The following MIOX variants were observed in gnomAD, a reference collection of about 807,000 sequenced individuals.
The protein encoded by MIOX is inositol oxygenase.
Under a neutral mutation model 42.7 loss-of-function variants are expected in MIOX, and 51 were observed. The observed-to-expected ratio is 1.19, with a 90% CI of 0.95 to 1.51. The LOEUF (loss-of-function observed/expected upper bound fraction) is 1.51, where lower values mean the gene tolerates loss of function less well. Ranked by LOEUF, MIOX falls within the 40% of genes most tolerant of loss-of-function variation. The pLI is 0.00. For missense variants in MIOX, 395 were observed against 381.3 expected, an observed-to-expected ratio of 1.04 and a Z score of -0.30; for synonymous variants, 168 against 154.4, an observed-to-expected ratio of 1.09 and a Z score of -0.65.
At chr22:50,488,694 G>A (rs1302525469) in intron 5 of MIOX, among the ~76,000 whole-genome samples, 4 of 130,244 alleles carry the variant, frequency 3.1e-5, no homozygotes, top group Non-Finnish European at 6.4e-5. Flanking sequence ...TCACTCTGCA[G>A]TGGGCGGTCG....
chr22:50,488,271 C>T lies in MIOX; in HGVS notation c.341-4C>T. 2.5e-6 allele frequency: 4 copies of T among 1,613,596 alleles called. No individual in the cohort carries two copies. The highest frequency in any genetic ancestry group is 2.2e-5 in the South Asian group (2 of 91,012). On this transcript the variant is annotated splice_polypyrimidine_tract_variant and splice_region_variant and intron_variant, in intron 4 of 9. Transcript: ENST00000216075. Reference sequence around the variant, plus strand: ...CCAACCTGCCCTGTCCATCCCCCTCCCAGACTGGTTCCACCTCGTCGGGCT... The same window carrying T: ...CCAACCTGCCCTGTCCATCCCCCTCTCAGACTGGTTCCACCTCGTCGGGCT...
rs775563508 is a variant in MIOX, at chr22:50,487,344, T to C, written c.16-41T>C. 4.6e-6 allele frequency: 7 copies of C among 1,531,514 alleles called. No individual in the cohort carries two copies. In the South Asian group the frequency reaches 8.1e-5, roughly 18 times the overall value. The allele number at this position is 1,531,514 out of a possible 1,614,324, so 94.9% of individuals were successfully genotyped here. On this transcript the variant is annotated intron_variant, in intron 1 of 9. Transcript: ENST00000216075. Reference sequence around the variant, plus strand: ...GAATGTCTGTGCTTCCTCGTGGAGCTGACATGATGGTGAAATAGGTTCAAT... The same window carrying C: ...GAATGTCTGTGCTTCCTCGTGGAGCCGACATGATGGTGAAATAGGTTCAAT...
rs1279817343 is a variant in MIOX, at chr22:50,490,062, G to A, written c.*206G>A. 1.7e-6 allele frequency: 1 copy of A among 595,000 alleles called. No homozygotes were observed. Among genetic ancestry groups the A allele is most frequent in the Admixed American group, 2.9e-5 (1 of 34,304 alleles). 36.9% of individuals were successfully genotyped at this position (595,000 alleles called of 1,614,324 possible). ...TGTTGTGCTTCTGAAGCCCCACTGGGTGTTACTGCAGCAGGGCGTGGCCCA... is the reference window on the plus strand; with the variant it reads ...TGTTGTGCTTCTGAAGCCCCACTGGATGTTACTGCAGCAGGGCGTGGCCCA... On this transcript the variant is annotated 3_prime_UTR_variant, in exon 10 of 10. Coordinates refer to ENST00000216075, the MANE Select transcript of MIOX (RefSeq NM_017584.6).
intron 4 of MIOX, 55 bp downstream of exon 4, chr22:50,488,103 C>CAGCA: frequency 6.2e-7 from 1 of 1,607,122 alleles, no homozygotes; most frequent in Non-Finnish European, 8.5e-7. Flanking sequence ...GGGCAGAATG[C>CAGCA]AGCAGCCTGT....
intron 5 of MIOX, 86 bp from the exon 6 acceptor site, chr22:50,488,954 C>G (rs1355498101): frequency 1.1e-6 from 1 of 945,708 alleles, no homozygotes; most frequent in Non-Finnish European, 1.6e-6. Context: ...GCCGCCCGTC[C>G]CTCCTGTCCT....
rs1569516794 is a variant in MIOX at position 50,490,490 on chromosome 22, C to CAT, written c.*634_*635insAT. ...AAAATTAGCCGGGCGTGGTGGTGGGCGCCTGTAATCCCAGCTATTCAGGAG... is the reference window on the plus strand; with the variant it reads ...AAAATTAGCCGGGCGTGGTGGTGGGCATGCCTGTAATCCCAGCTATTCAGGAG... On this transcript the variant is annotated 3_prime_UTR_variant, in exon 10 of 10. Coordinates refer to ENST00000216075, the MANE Select transcript of MIOX (RefSeq NM_017584.6). 2 of 152,316 alleles carry CAT rather than the reference C, an allele frequency of 1.3e-5. No homozygotes were observed. The highest frequency in any genetic ancestry group is 4.8e-5 in the African/African-American group (2 of 41,338). 9.4% of individuals were successfully genotyped at this position (152,316 alleles called of 1,614,324 possible).
chr22:50,488,725 TTCCCCCACGGC>T (rs2068310358), intron 5 of MIOX, among the ~76,000 whole-genome samples: 1 of 74,090 alleles, frequency 1.3e-5, no homozygotes, highest in Non-Finnish European at 2.5e-5. Flanking sequence ...CTTCCCCCAC[TTCCCCCACGGC>T]CCCCCATGGC....
chr22:50,487,626 G>T (rs1438851387), intron 2 of MIOX, 36 bp from the exon 3 acceptor site: 1 of 1,600,342 alleles, frequency 6.2e-7, no homozygotes, highest in African/African-American at 1.3e-5. Context: ...CTCGTGTGCA[G>T]GGTGGGGGTG....
Position 50,489,534 on chromosome 22 carries a change from T to G in MIOX, c.639T>G (p.Ala213=). Residue 213 remains alanine (A), a splice_region_variant and synonymous_variant, in exon 9 of 10, where the codon GCT becomes GCG. Transcript: ENST00000216075. Reference sequence around the variant, plus strand: ...CCGCTGGGTGGCCTTGCCCGCAGGCTTTCTACATGATCCGGTTCCACTCCT... The same window carrying G: ...CCGCTGGGTGGCCTTGCCCGCAGGCGTTCTACATGATCCGGTTCCACTCCT... ...KFNKFSLPPE[A]FYMIRFHSFY... is the part of the protein sequence containing the mutation. 1 of 1,612,688 alleles carries G rather than the reference T, an allele frequency of 6.2e-7. No individual in the cohort carries two copies. The highest frequency in any genetic ancestry group is 8.5e-7 in the Non-Finnish European group (1 of 1,179,850).
In MIOX at chr22:50,489,398, G is replaced by T. The variant is rs1302384803; in HGVS notation, c.588G>T (p.Glu196Asp). The change falls in exon 8 of 10, where the codon GAG becomes GAT. Residue 196 changes from glutamate (E) to aspartate (D), a missense_variant and splice_region_variant. Physicochemically the swap from Glu to Asp is conservative, Grantham distance 45 (BLOSUM62 2). Transcript: ENST00000216075. Reference sequence around the variant, plus strand: ...GCTGGTGACACCCTCTCCCCACAGAGTACATGTACCAGGTGATGAAGTTTA... The same window carrying T: ...GCTGGTGACACCCTCTCCCCACAGATTACATGTACCAGGTGATGAAGTTTA... ...DRVLMSWGHD[E>D]YMYQVMKFNK... The T allele has an allele frequency of 1.3e-6, 2 of 1,592,142 alleles. No individual in the cohort carries two copies. The highest frequency in any genetic ancestry group is 1.7e-5 in the Admixed American group (1 of 59,394).
Position 50,489,071 on chromosome 22 carries a change from G to T in MIOX, c.440G>T (p.Gly147Val). ...GTCGTCGGCGACACCTTCCCCGTCG[G>T]ATGCCGTCCGCAGGCCTCCGTGGTT... is the stretch of plus-strand genomic sequence containing the variant. ...WAVVGDTFPV[G>V]CRPQASVVFC... Residue 147 changes from glycine to valine, a missense_variant, in exon 6 of 10, where the codon GGA becomes GTA. Transcript: ENST00000216075. The T allele has an allele frequency of 1.2e-6, 2 of 1,611,398 alleles. No individual in the cohort carries two copies. The highest frequency in any genetic ancestry group is 1.7e-6 in the Non-Finnish European group (2 of 1,179,770).
rs1360583310 is a variant in MIOX at position 50,489,650 on chromosome 22, C to A, written c.749+6C>A. On this transcript the variant is annotated splice_donor_region_variant and intron_variant, in intron 9 of 9. Transcript: ENST00000216075. ...CCCTGGGTGCGGGAGTTCAAGTACG[C>A]CCCGCTACCCGCCGAGGGGTGTTGT... is the stretch of plus-strand genomic sequence containing the variant. 2 of 1,610,104 alleles carry A rather than the reference C, an allele frequency of 1.2e-6. No homozygotes were observed. The highest frequency in any genetic ancestry group is 1.3e-5 in the African/African-American group (1 of 74,802).
At position 50,487,773 on chromosome 22, in the gene MIOX, C is replaced by T. The variant is rs574352585; in HGVS notation, c.177+31C>T. ...CGTTTCCTGCCGCCCCGTGCAAACG[C>T]GGAGGGACCCTTGCCCTCAGCCCCA... On this transcript the variant is annotated intron_variant, in intron 3 of 9. Transcript: ENST00000216075. The T allele has an allele frequency of 5.6e-4, 895 of 1,612,420 alleles. 10 individuals are homozygous for T. The South Asian group carries it at 8.8e-3, about 16-fold the overall frequency.
Position 50,489,114 on chromosome 22 carries a change from C to A in MIOX, c.483C>A (p.Phe161Leu). The A allele has an allele frequency of 3.1e-6, 5 of 1,613,378 alleles. No individual in the cohort carries two copies. Among genetic ancestry groups the A allele is most frequent in the Non-Finnish European group, 4.2e-6 (5 of 1,179,932 alleles). Residue 161 changes from phenylalanine to leucine, a missense_variant, in exon 6 of 10, where the codon TTC becomes TTA. Phe to Leu is a conservative substitution (Grantham distance 22, BLOSUM62 0). Coordinates refer to ENST00000216075, the MANE Select transcript of MIOX (RefSeq NM_017584.6). ...CCGTGGTTTTCTGCGACTCCACCTT[C>A]CAGGACAACCCTGACCTCCAGGATC... ...QASVVFCDST[F>L]QDNPDLQDPR...
rs920062263 is a variant in MIOX, at chr22:50,490,054, C to T, written c.*198C>T. ...TGGAAGGATGTTGTGCTTCTGAAGCCCCACTGGGTGTTACTGCAGCAGGGC... is the reference window on the plus strand; with the variant it reads ...TGGAAGGATGTTGTGCTTCTGAAGCTCCACTGGGTGTTACTGCAGCAGGGC... On this transcript the variant is annotated 3_prime_UTR_variant, in exon 10 of 10. Coordinates refer to ENST00000216075, the MANE Select transcript of MIOX (RefSeq NM_017584.6). 17 of 601,266 alleles carry T rather than the reference C, an allele frequency of 2.8e-5. No homozygotes were observed. Among genetic ancestry groups the T allele is most frequent in the African/African-American group, 1.9e-4 (10 of 53,952 alleles). The allele number at this position is 601,266 out of a possible 1,614,324, so 37.2% of individuals were successfully genotyped here.
At chr22:50,488,125 G>C in intron 4 of MIOX, 77 bp downstream of exon 4, 2 of 1,594,234 alleles carry the variant, frequency 1.3e-6, no homozygotes, top group South Asian at 1.1e-5. Context: ...GGGTGGGAGG[G>C]GACAGTAGTG....
chr22:50,489,458 G>T lies in MIOX; in HGVS notation c.636+12G>T, dbSNP rs776201567. 1 of 1,608,282 alleles carries T rather than the reference G, an allele frequency of 6.2e-7. No homozygotes were observed. The highest frequency in any genetic ancestry group is 8.5e-7 in the Non-Finnish European group (1 of 1,177,620). ...CACTGCCCCCTGAGGTAGGTGGGGGGAGGGGCAACGCAGCCCGTCCACCAG... is the reference window on the plus strand; with the variant it reads ...CACTGCCCCCTGAGGTAGGTGGGGGTAGGGGCAACGCAGCCCGTCCACCAG... On this transcript the variant is annotated intron_variant, in intron 8 of 9. Transcript: ENST00000216075.
Position 50,488,344 on chromosome 22 carries a change from T to TAAGAGTTGG in MIOX, c.408+6_408+14dup. 1 of 1,596,126 alleles carries TAAGAGTTGG rather than the reference T, an allele frequency of 6.3e-7. No individual in the cohort carries two copies. The highest frequency in any genetic ancestry group is 8.5e-7 in the Non-Finnish European group (1 of 1,170,468). ...CTGGCCCTGTTCGGGGAGCCCCAGG[T>TAAGAGTTGG]AAGAGTTGGAAGTGGAGGGTGAGGA... On this transcript the variant is annotated splice_region_variant and intron_variant, in intron 5 of 9. Coordinates refer to ENST00000216075, the MANE Select transcript of MIOX (RefSeq NM_017584.6).
In MIOX at chr22:50,489,069, C is replaced by T. The variant is rs577673883; in HGVS notation, c.438C>T (p.Val146=). The T allele has an allele frequency of 2.0e-5, 32 of 1,611,670 alleles. No homozygotes were observed. Among genetic ancestry groups the T allele is most frequent in the African/African-American group, 4.0e-5 (3 of 74,864 alleles). ...QWAVVGDTFP[V]GCRPQASVVF... ...CTGTCGTCGGCGACACCTTCCCCGT[C>T]GGATGCCGTCCGCAGGCCTCCGTGG... The change falls in exon 6 of 10, where the codon GTC becomes GTT. Residue 146 remains valine, a synonymous_variant. Transcript: ENST00000216075.
Sources: allele counts gnomAD v4.1 joint callset (sites outside exome capture counted in the v4.1 genomes callset), GRCh38; gene constraint gnomAD v4.1.1; transcripts MANE v1.5; gene names NCBI Gene and HGNC (gene_info 2026-07-23, HGNC 2026-07-21).